Variants in SLC30A10 observed in about 807,000 individuals in gnomAD.
SLC30A10 encodes the protein calcium/manganese antiporter SLC30A10.
Under a neutral mutation model 21.7 loss-of-function variants are expected in SLC30A10, and 8 were observed. The observed-to-expected ratio is 0.37, with a 90% confidence interval of 0.22 to 0.67. SLC30A10 has a LOEUF of 0.67. SLC30A10 is among the 30% of genes least tolerant of loss of function. The pLI, the probability that SLC30A10 is intolerant of heterozygous loss-of-function variation, is 0.58. For missense variants in SLC30A10, 521 were observed against 642.5 expected (o/e 0.81, Z 2.04); for synonymous variants, 272 against 279.4 (o/e 0.97, Z 0.26).
chr1:219,921,036 A>G (rs988197546), intron 2 of SLC30A10, among the ~76,000 whole-genome samples: 1 of 152,254 alleles, frequency 6.6e-6, no homozygotes, highest in African/African-American at 2.4e-5. Context: ...AAGGAAATGA[A>G]AACCAGCTAT....
At chr1:219,952,435 A>T (rs1207288469) in intron 1 of SLC30A10, among the ~76,000 whole-genome samples, 2 of 152,170 alleles carry the variant, frequency 1.3e-5, no homozygotes, top group Non-Finnish European at 2.9e-5. Context: ...TTTTGTGATT[A>T]TTGCCAAATA....
intron 2 of SLC30A10, chr1:219,919,005 C>T (rs1191274633): frequency 6.6e-6 from 1 of 152,312 alleles, no homozygotes; most frequent in Non-Finnish European, 1.5e-5. Flanking sequence ...AGTCTGTGGT[C>T]ATTTAAATGG....
At chr1:219,922,491 C>T (rs1053561426) in intron 2 of SLC30A10, among the ~76,000 whole-genome samples, 3 of 151,850 alleles carry the variant, frequency 2.0e-5, no homozygotes, top group Admixed American at 6.6e-5. Flanking sequence ...AAACACCTCA[C>T]GGGAGACTCG....
Position 219,918,354 on chromosome 1 carries a change from T to G in SLC30A10, c.859A>C (p.Met287Leu). ...CYIDPSLTVL[M>L]VIIILSSAFP... ...GCAGATGACAAAATGATGATGACCA[T>G]GAGGACAGTCAGGCTGGGGTCAATG... Residue 287 changes from methionine (M) to leucine (L), a missense_variant, in exon 3 of 4, where the codon ATG becomes CTG. Met to Leu is a conservative substitution (Grantham distance 15). Transcript: ENST00000366926. This position sits in a 1 kb window ranked among gnomAD's most constrained non-coding sequence, Gnocchi z 4.4. The G allele has an allele frequency of 6.2e-7, 1 of 1,614,084 alleles. No homozygotes were observed. Among genetic ancestry groups the G allele is most frequent in the Non-Finnish European group, 8.5e-7 (1 of 1,180,018 alleles).
upstream of SLC30A10, among the ~76,000 whole-genome samples, chr1:219,929,048 T>C (rs1296484274): frequency 6.6e-6 from 1 of 152,242 alleles, no homozygotes; most frequent in African/African-American, 2.4e-5. Context: ...AACTTGCCCT[T>C]GAGGGTGCTT....
Position 219,927,787 on chromosome 1 carries a change from C to A in SLC30A10, c.640+14G>T, listed in dbSNP as rs1489864685. 2.0e-6 allele frequency: 3 copies of A among 1,529,420 alleles called. No individual in the cohort carries two copies. In the South Asian group the frequency reaches 3.7e-5, roughly 19 times the overall value. The allele number at this position is 1,529,420 out of a possible 1,614,324, so 94.7% of individuals were successfully genotyped here. A position where few individuals can be genotyped will look rare whatever the true frequency, so the allele number is the denominator to read the frequency against. ...GAAGGGCCAAGCGGTCCAAAGGATG[C>A]AACCGAAAGGCACCTGCTACGTTTG... On this transcript the variant is annotated intron_variant, in intron 1 of 3. Coordinates refer to ENST00000366926, the MANE Select transcript of SLC30A10 (RefSeq NM_018713.3).
intron 1 of SLC30A10, among the ~76,000 whole-genome samples, chr1:219,955,772 G>A (rs977166250): frequency 6.6e-6 from 1 of 152,194 alleles, no homozygotes; most frequent in African/African-American, 2.4e-5. Context: ...TTCTGATCAT[G>A]AAGCCAGGCG....
rs59792236 is a variant in SLC30A10, at chr1:219,912,170, CAAA to C, written c.*3276_*3278del. Among the ~76,000 whole-genome samples the C allele has an allele frequency of 7.2e-4, 54 of 74,712 alleles. No individual in the cohort carries two copies. Among genetic ancestry groups the C allele is most frequent in the African/African-American group, 2.6e-3 (47 of 18,298 alleles). 49.0% of individuals were successfully genotyped at this position (74,712 alleles called of 152,430 possible). ...CCACTGGAATTTGCTCTACCAATGG[CAAA>C]AAAAAAAAAAAAAAAAAAAAAAAGA... On this transcript the variant is annotated 3_prime_UTR_variant, in exon 4 of 4. Coordinates refer to ENST00000366926, the MANE Select transcript of SLC30A10 (RefSeq NM_018713.3).
At chr1:219,950,563 C>G (rs377757554) in intron 1 of SLC30A10, among the ~76,000 whole-genome samples, 1 of 147,330 alleles carries the variant, frequency 6.8e-6, no homozygotes, top group East Asian at 2.0e-4. Context: ...GGTGTGAACC[C>G]GGGAGGCAGA....
rs988700274 is a variant in SLC30A10 at position 219,928,096 on chromosome 1, C to T, written c.345G>A (p.Leu115=). The T allele has an allele frequency of 4.4e-6, 7 of 1,582,972 alleles. No homozygotes were observed. The African/African-American group carries it at 8.1e-5, about 18-fold the overall frequency. ...GCCCCAGGACGCCGACGATGAGCAC[C>T]AGCTCGGGGTCATCGATGCGCTCGG... The part of the protein sequence containing the change: ...ARPERIDDPE[L]VLIVGVLGLL... Residue 115 remains leucine, a synonymous_variant, in exon 1 of 4, where the codon CTG becomes CTA. Coordinates refer to ENST00000366926, the MANE Select transcript of SLC30A10 (RefSeq NM_018713.3). This position sits in a 1 kb window ranked among gnomAD's most constrained non-coding sequence, Gnocchi z 6.3.
upstream of SLC30A10, among the ~76,000 whole-genome samples, chr1:219,929,672 C>T (rs1024583729): frequency 6.6e-6 from 1 of 152,102 alleles, no homozygotes; most frequent in Non-Finnish European, 1.5e-5. Flanking sequence ...AGGCACCATG[C>T]CCGGCTAATT....
chr1:219,915,998 A>G, intron 3 of SLC30A10, 50 bp from the exon 4 acceptor site: 2 of 1,572,380 alleles, frequency 1.3e-6, no homozygotes, highest in South Asian at 1.2e-5. Flanking sequence ...TGCATTTGAA[A>G]CATGGAACTA....
At chr1:219,931,103 G>A (rs542315194), upstream of SLC30A10, among the ~76,000 whole-genome samples, 44 of 152,350 alleles carry the variant, frequency 2.9e-4, 1 homozygote, top group Admixed American at 7.8e-4. Context: ...GGGAAGCCTG[G>A]TGGAACTAAA....
chr1:219,917,435 T>G (rs997768541), intron 3 of SLC30A10, among the ~76,000 whole-genome samples: 1 of 152,164 alleles, frequency 6.6e-6, no homozygotes, highest in African/African-American at 2.4e-5. Flanking sequence ...GGCAATGCTG[T>G]ATGTCTGCTC....
chr1:219,921,276 G>A (rs1659669993), intron 2 of SLC30A10, among the ~76,000 whole-genome samples: 1 of 152,182 alleles, frequency 6.6e-6, no homozygotes, highest in Admixed American at 6.5e-5. Flanking sequence ...ACTGGAATCT[G>A]ACCCTTTTGA....
At chr1:219,950,699 C>G (rs539760047) in intron 1 of SLC30A10, among the ~76,000 whole-genome samples, 36 of 152,030 alleles carry the variant, frequency 2.4e-4, no homozygotes, top group African/African-American at 8.4e-4. Flanking sequence ...CCCATGATCC[C>G]GGTACTTTGG....
chr1:219,945,283 G>T (rs1000555340), intron 1 of SLC30A10, among the ~76,000 whole-genome samples: 2 of 152,140 alleles, frequency 1.3e-5, no homozygotes, highest in Non-Finnish European at 2.9e-5. Context: ...CAAAAATCTC[G>T]TAGAATTATA....
upstream of SLC30A10, among the ~76,000 whole-genome samples, chr1:219,929,198 C>T (rs1270921943): frequency 2.0e-5 from 3 of 152,170 alleles, no homozygotes; most frequent in Non-Finnish European, 4.4e-5. Context: ...TTCCTATTAC[C>T]CACTCATGGC....
chr1:219,957,568 A>C (rs1660369604), intron 1 of SLC30A10, among the ~76,000 whole-genome samples: 2 of 152,224 alleles, frequency 1.3e-5, no homozygotes, highest in Non-Finnish European at 2.9e-5. Flanking sequence ...TCAAGTGCCT[A>C]CTAAATACTA....
Sources: allele counts gnomAD v4.1 joint callset (sites outside exome capture counted in the v4.1 genomes callset), GRCh38; gene constraint gnomAD v4.1.1; non-coding constraint Gnocchi (gnomAD v3.1); transcripts MANE v1.5; gene names NCBI Gene and HGNC (gene_info 2026-07-23, HGNC 2026-07-21).